ZKSCAN1: variants seen among roughly 807,000 people sequenced by gnomAD.
ZKSCAN1 encodes the protein zinc finger protein with KRAB and SCAN domains 1.
ZKSCAN1 carries 14 observed loss-of-function variants against 51.6 expected under a neutral mutation model. The observed-to-expected ratio is 0.27, with a 90% confidence interval of 0.18 to 0.42. ZKSCAN1 has a LOEUF of 0.42. Ranked by LOEUF, ZKSCAN1 falls within the 10% of genes least tolerant of loss-of-function variation. ZKSCAN1 has a pLI of 1.00. For synonymous variants in ZKSCAN1, 263 were observed against 261.5 expected, an observed-to-expected ratio of 1.01 and a Z score of -0.06; for missense variants, 531 against 710.0, an observed-to-expected ratio of 0.75 and a Z score of 2.86.
chr7:100,018,598 A>G (rs1011796378), intron 1 of ZKSCAN1, among the ~76,000 whole-genome samples: 1 of 152,112 alleles, frequency 6.6e-6, no homozygotes, highest in Non-Finnish European at 1.5e-5. Flanking sequence ...TCGTGTTACC[A>G]GGATGGTCTC....
intron 3 of ZKSCAN1, among the ~76,000 whole-genome samples, chr7:100,027,023 G>T (rs1015467594): frequency 6.6e-6 from 1 of 152,070 alleles, no homozygotes; most frequent in African/African-American, 2.4e-5. Flanking sequence ...AAGGCCAGGC[G>T]CAGTGGCCCA....
rs1791583834 is a variant in ZKSCAN1, at chr7:100,041,317, A to G, written c.*7120A>G. 7 of 984,984 alleles carry G rather than the reference A, an allele frequency of 7.1e-6. No individual in the cohort carries two copies. The highest frequency in any genetic ancestry group is 1.7e-5 in the African/African-American group (1 of 57,320). The allele number at this position is 984,984 out of a possible 1,614,324, so 61.0% of individuals were successfully genotyped here. On this transcript the variant is annotated 3_prime_UTR_variant, in exon 6 of 6. Coordinates refer to ENST00000324306, the MANE Select transcript of ZKSCAN1 (RefSeq NM_003439.4). ...TCCAGATGCTTGGTAGATGTTCAAT[A>G]CGTGATTTTTTTTTTAATTGAATGT...
chr7:100,017,716 A>T (rs1790428628), intron 1 of ZKSCAN1, among the ~76,000 whole-genome samples: 1 of 152,180 alleles, frequency 6.6e-6, no homozygotes, highest in Admixed American at 6.6e-5. Context: ...TTTTCAGCCC[A>T]TATTCACCCA....
In ZKSCAN1 at chr7:100,036,040, A is replaced by G. The variant is rs1028926427; in HGVS notation, c.*1843A>G. On this transcript the variant is annotated 3_prime_UTR_variant, in exon 6 of 6. Transcript: ENST00000324306. ...CCCTTGAGAAACTTATACTAAAACT[A>G]TTACTCATCAGTCATTCACTGATCA... The G allele has an allele frequency of 1.0e-6, 1 of 985,348 alleles. No homozygotes were observed. The highest frequency in any genetic ancestry group is 1.2e-6 in the Non-Finnish European group (1 of 829,952). The allele number at this position is 985,348 out of a possible 1,614,324, so 61.0% of individuals were successfully genotyped here. A position where few individuals can be genotyped will look rare whatever the true frequency, so the allele number is the denominator to read the frequency against.
In ZKSCAN1 at chr7:100,036,690, C is replaced by G. The variant is rs1237771853; in HGVS notation, c.*2493C>G. 2 of 973,468 alleles carry G rather than the reference C, an allele frequency of 2.1e-6. No individual in the cohort carries two copies. Among genetic ancestry groups the G allele is most frequent in the East Asian group, 2.3e-4 (2 of 8,714 alleles). The allele number at this position is 973,468 out of a possible 1,614,324, so 60.3% of individuals were successfully genotyped here. A position where few individuals can be genotyped will look rare whatever the true frequency, so the allele number is the denominator to read the frequency against. ...CCAAGATTGCACACTGCACTCCAGC[C>G]TGGGTGACTAGCAAAACTCCATCTC... On this transcript the variant is annotated 3_prime_UTR_variant, in exon 6 of 6. Transcript: ENST00000324306.
At position 100,040,213 on chromosome 7, in the gene ZKSCAN1, C is replaced by A. The variant is rs141202437; in HGVS notation, c.*6016C>A. ...ATGTCTTAACATGAGAATTGAATTTCATGATGTGTGGTTCCATTTAATAGC... is the reference window on the plus strand; with the variant it reads ...ATGTCTTAACATGAGAATTGAATTTAATGATGTGTGGTTCCATTTAATAGC... On this transcript the variant is annotated 3_prime_UTR_variant, in exon 6 of 6. Transcript: ENST00000324306. The A allele has an allele frequency of 9.8e-5, 97 of 985,278 alleles. No homozygotes were observed. The highest frequency in any genetic ancestry group is 1.1e-4 in the Non-Finnish European group (90 of 829,924). 61.0% of individuals were successfully genotyped at this position (985,278 alleles called of 1,614,324 possible). A position where few individuals can be genotyped will look rare whatever the true frequency, so the allele number is the denominator to read the frequency against.
downstream of ZKSCAN1, among the ~76,000 whole-genome samples, chr7:100,042,737 C>CGTGT (rs34820993): frequency 0.2 from 28,830 of 144,504 alleles, 2,997 homozygotes; most frequent in Non-Finnish European, 0.22. Flanking sequence ...TATAGATACA[C>CGTGT]GTGTGTGTGT....
At chr7:100,042,638 C>T (rs1308294720), downstream of ZKSCAN1, among the ~76,000 whole-genome samples, 1 of 151,916 alleles carries the variant, frequency 6.6e-6, no homozygotes, top group Non-Finnish European at 1.5e-5. Flanking sequence ...CAATCTTCTC[C>T]TCAGTCTCAG....
In ZKSCAN1 at chr7:100,033,400, A is replaced by G; in HGVS notation, c.895A>G (p.Lys299Glu). The G allele has an allele frequency of 6.2e-7, 1 of 1,614,126 alleles. No individual in the cohort carries two copies. Among genetic ancestry groups the G allele is most frequent in the Non-Finnish European group, 8.5e-7 (1 of 1,180,034 alleles). ...CGGGGAGACAACAGGAAGATCCCAG[A>G]AAGAGTTTGGAGAGAAACGTGACCA... Reference protein sequence around the residue: ...SRGETTGRSQKEFGEKRDQEG... With the variant: ...SRGETTGRSQEEFGEKRDQEG... Residue 299 changes from lysine to glutamate, a missense_variant, in exon 6 of 6, where the codon AAA becomes GAA. Physicochemically the swap from Lys to Glu is moderately conservative, Grantham distance 56 (BLOSUM62 1). Coordinates refer to ENST00000324306, the MANE Select transcript of ZKSCAN1 (RefSeq NM_003439.4). The surrounding 1 kb of genome is among the most constrained non-coding windows in gnomAD (Gnocchi z 4.1).
At chr7:100,044,643 T>C, downstream of ZKSCAN1, 1 of 375,432 alleles carries the variant, frequency 2.7e-6, no homozygotes, top group Non-Finnish European at 3.5e-6. Flanking sequence ...ATCGTGCCAC[T>C]GCACTCCAGC....
Position 100,037,298 on chromosome 7 carries a change from C to T in ZKSCAN1, c.*3101C>T, listed in dbSNP as rs955689460. The T allele has an allele frequency of 8.7e-5, 86 of 985,312 alleles. No homozygotes were observed. Among genetic ancestry groups the T allele is most frequent in the Non-Finnish European group, 1.0e-4 (85 of 829,936 alleles). 61.0% of individuals were successfully genotyped at this position (985,312 alleles called of 1,614,324 possible). A position where few individuals can be genotyped will look rare whatever the true frequency, so the allele number is the denominator to read the frequency against. On this transcript the variant is annotated 3_prime_UTR_variant, in exon 6 of 6. Coordinates refer to ENST00000324306, the MANE Select transcript of ZKSCAN1 (RefSeq NM_003439.4). ...GAAGAGTTTTTCAATATATACCCTA[C>T]CCTTGCCAGGAAGAGAAGTAAAATC...
chr7:100,041,545 A>T lies in ZKSCAN1; in HGVS notation c.*7348A>T. On this transcript the variant is annotated 3_prime_UTR_variant, in exon 6 of 6. Coordinates refer to ENST00000324306, the MANE Select transcript of ZKSCAN1 (RefSeq NM_003439.4). ...TGTACACATACATAGTCAGTGGTCC[A>T]TTTTAGGAAGCCAGTGGCGTCTGAT... 1 of 985,458 alleles carries T rather than the reference A, an allele frequency of 1.0e-6. No homozygotes were observed. Among genetic ancestry groups the T allele is most frequent in the South Asian group, 4.7e-5 (1 of 21,290 alleles). 61.0% of individuals were successfully genotyped at this position (985,458 alleles called of 1,614,324 possible). A position where few individuals can be genotyped will look rare whatever the true frequency, so the allele number is the denominator to read the frequency against.
rs995170967 is a variant in ZKSCAN1 at position 100,038,376 on chromosome 7, G to A, written c.*4179G>A. 7 of 985,318 alleles carry A rather than the reference G, an allele frequency of 7.1e-6. No homozygotes were observed. The African/African-American group carries it at 1.2e-4, about 17-fold the overall frequency. The allele number at this position is 985,318 out of a possible 1,614,324, so 61.0% of individuals were successfully genotyped here. On this transcript the variant is annotated 3_prime_UTR_variant, in exon 6 of 6. Coordinates refer to ENST00000324306, the MANE Select transcript of ZKSCAN1 (RefSeq NM_003439.4). Reference sequence around the variant, plus strand: ...AGAACGGAGCAGCGGGGAGAGGAAGGGAAAAGCTTCATAGTTTGGTGCTTA... The same window carrying A: ...AGAACGGAGCAGCGGGGAGAGGAAGAGAAAAGCTTCATAGTTTGGTGCTTA...
At chr7:100,041,821 A>C, downstream of ZKSCAN1, 3 of 889,656 alleles carry the variant, frequency 3.4e-6, no homozygotes, top group Non-Finnish European at 4.0e-6. Flanking sequence ...CAAAATTCTC[A>C]TGCAAAACTA....
In ZKSCAN1 at chr7:100,039,324, A is replaced by G. The variant is rs73158420; in HGVS notation, c.*5127A>G. 232,158 of 983,878 alleles carry G rather than the reference A, an allele frequency of 0.24. 27,818 individuals carry two copies. The highest frequency in any genetic ancestry group is 0.4 in the East Asian group (3,538 of 8,786). The allele number at this position is 983,878 out of a possible 1,614,324, so 60.9% of individuals were successfully genotyped here. A position where few individuals can be genotyped will look rare whatever the true frequency, so the allele number is the denominator to read the frequency against. On this transcript the variant is annotated 3_prime_UTR_variant, in exon 6 of 6. Transcript: ENST00000324306. ...CTCTGTCTCAAAAAAAGAAAAAAAA[A>G]AAAGAAAGAAAGAAAGAAAATTGGG... is the stretch of plus-strand genomic sequence containing the variant.
At chr7:100,018,381 T>C (rs1226622223) in intron 1 of ZKSCAN1, among the ~76,000 whole-genome samples, 1 of 151,980 alleles carries the variant, frequency 6.6e-6, no homozygotes, top group Non-Finnish European at 1.5e-5. Flanking sequence ...CAAGAAAAAT[T>C]ACAGAGAAAG....
In ZKSCAN1 at chr7:100,034,286, C is replaced by A. The variant is rs150542330; in HGVS notation, c.*89C>A. 1,484 of 1,489,336 alleles carry A rather than the reference C, an allele frequency of 1.0e-3. 19 individuals carry two copies. The African/African-American group carries it at 0.017, about 17-fold the overall frequency. 92.3% of individuals were successfully genotyped at this position (1,489,336 alleles called of 1,614,324 possible). ...CTCCTGGAGGGAAAAAGAAATACAG[C>A]CTCAACAGATTAAAAAACAAAAGTC... is the stretch of plus-strand genomic sequence containing the variant. On this transcript the variant is annotated 3_prime_UTR_variant, in exon 6 of 6. Transcript: ENST00000324306.
Position 100,036,482 on chromosome 7 carries a change from C to A in ZKSCAN1, c.*2285C>A, listed in dbSNP as rs1471946167. The A allele has an allele frequency of 4.1e-6, 4 of 977,090 alleles. No homozygotes were observed. The African/African-American group carries it at 7.0e-5, about 17-fold the overall frequency. 60.5% of individuals were successfully genotyped at this position (977,090 alleles called of 1,614,324 possible). On this transcript the variant is annotated 3_prime_UTR_variant, in exon 6 of 6. Coordinates refer to ENST00000324306, the MANE Select transcript of ZKSCAN1 (RefSeq NM_003439.4). ...CTGTAATCCCAGCACTTTGGGAGGC[C>A]GAGGTGAGCGGATCACCTGAGGTCA...
intron 1 of ZKSCAN1, among the ~76,000 whole-genome samples, chr7:100,016,005 C>T (rs1442103374): frequency 6.6e-6 from 1 of 152,208 alleles, no homozygotes; most frequent in Admixed American, 6.5e-5. Flanking sequence ...TCTGTGGGCC[C>T]CTCTCCCGCA....
Sources: gnomAD v4.1 joint callset for allele counts (sites outside exome capture counted in the v4.1 genomes callset) on GRCh38, gnomAD v4.1.1 for gene constraint, Gnocchi (gnomAD v3.1) non-coding constraint, MANE v1.5 for transcripts, NCBI Gene and HGNC (gene_info 2026-07-23, HGNC 2026-07-21) for gene names.